Variants in CSNK2A2IP observed in about 807,000 individuals in gnomAD.
The protein encoded by CSNK2A2IP is casein kinase II subunit alpha'-interacting protein.
the CSNK2A2IP span, among the ~76,000 whole-genome samples, chr3:88,438,407 C>T: frequency 6.6e-6 from 1 of 152,142 alleles, no homozygotes; most frequent in African/African-American, 2.4e-5. Flanking sequence ...AACTAGGATT[C>T]CTCTTCCCTG....
chr3:88,408,230 A>G, the CSNK2A2IP span, among the ~76,000 whole-genome samples: 1 of 151,070 alleles, frequency 6.6e-6, no homozygotes, highest in South Asian at 2.1e-4. Context: ...TAAAGGTGAC[A>G]GAGTAAAGGA....
chr3:88,442,857 T>A, the CSNK2A2IP span, among the ~76,000 whole-genome samples: 1 of 151,922 alleles, frequency 6.6e-6, no homozygotes, highest in Non-Finnish European at 1.5e-5. Context: ...TTATGTCCCT[T>A]AATATAAAGA....
At chr3:88,363,745 C>T in the CSNK2A2IP span, among the ~76,000 whole-genome samples, 2 of 152,270 alleles carry the variant, frequency 1.3e-5, no homozygotes, top group South Asian at 2.1e-4. Flanking sequence ...ATGACTTGTT[C>T]ACTGGGTTTC....
chr3:88,384,474 A>G, the CSNK2A2IP span, among the ~76,000 whole-genome samples: 2 of 152,156 alleles, frequency 1.3e-5, no homozygotes, highest in African/African-American at 4.8e-5. Flanking sequence ...TGGAAAGAAC[A>G]TGGCAGGAGT....
the CSNK2A2IP span, among the ~76,000 whole-genome samples, chr3:88,371,084 G>A: frequency 6.6e-6 from 1 of 151,344 alleles, no homozygotes; most frequent in Non-Finnish European, 1.5e-5. Context: ...TATGGTATTT[G>A]GTTATGGCAG....
the CSNK2A2IP span, among the ~76,000 whole-genome samples, chr3:88,426,274 A>C: frequency 6.6e-6 from 1 of 152,192 alleles, no homozygotes; most frequent in Non-Finnish European, 1.5e-5. Flanking sequence ...CAAGAGTTAG[A>C]AGTGACATTC....
At chr3:88,354,363 G>A in the CSNK2A2IP span, among the ~76,000 whole-genome samples, 1 of 152,200 alleles carries the variant, frequency 6.6e-6, no homozygotes, top group Non-Finnish European at 1.5e-5. Flanking sequence ...CACTCAATAA[G>A]AGGTAGTTGC....
the CSNK2A2IP span, among the ~76,000 whole-genome samples, chr3:88,405,428 T>C: frequency 6.6e-6 from 1 of 152,108 alleles, no homozygotes; most frequent in East Asian, 1.9e-4. Context: ...GGTCATTGAG[T>C]TCATTCCCCT....
the CSNK2A2IP span, among the ~76,000 whole-genome samples, chr3:88,379,409 C>A: frequency 6.6e-6 from 1 of 152,102 alleles, no homozygotes; most frequent in Non-Finnish European, 1.5e-5. Flanking sequence ...GACATATTTT[C>A]TACAGGCATT....
the CSNK2A2IP span, among the ~76,000 whole-genome samples, chr3:88,378,168 G>A: frequency 6.6e-6 from 1 of 151,880 alleles, no homozygotes; most frequent in Non-Finnish European, 1.5e-5. Flanking sequence ...ACTTACATAT[G>A]TAACTTTCCC....
chr3:88,338,480 C>G, the CSNK2A2IP span: 52 of 152,214 alleles, frequency 3.4e-4, no homozygotes, highest in African/African-American at 1.2e-3. Context: ...CATTTTCCAG[C>G]AGTGAGGGTA....
At chr3:88,368,814 A>T in the CSNK2A2IP span, among the ~76,000 whole-genome samples, 1 of 152,164 alleles carries the variant, frequency 6.6e-6, no homozygotes, top group Non-Finnish European at 1.5e-5. Context: ...GGATGCCAGT[A>T]GCTAACAGAT....
At chr3:88,396,716 C>T in the CSNK2A2IP span, among the ~76,000 whole-genome samples, 1 of 152,146 alleles carries the variant, frequency 6.6e-6, no homozygotes, top group Admixed American at 6.5e-5. Context: ...AGCCAAATCT[C>T]TATTCTAAAT....
the CSNK2A2IP span, among the ~76,000 whole-genome samples, chr3:88,354,194 T>A: frequency 6.6e-6 from 1 of 152,200 alleles, no homozygotes; most frequent in Non-Finnish European, 1.5e-5. Flanking sequence ...GCGAACTAAA[T>A]AAACTTCTTT....
At chr3:88,458,926 T>G in the CSNK2A2IP span, among the ~76,000 whole-genome samples, 1 of 152,340 alleles carries the variant, frequency 6.6e-6, no homozygotes, top group African/African-American at 2.4e-5. Flanking sequence ...GCTGTGAATA[T>G]TCCATGTCCA....
chr3:88,427,967 T>C, the CSNK2A2IP span, among the ~76,000 whole-genome samples: 1 of 152,034 alleles, frequency 6.6e-6, no homozygotes, highest in Admixed American at 6.5e-5. Flanking sequence ...ACTGAGAGAT[T>C]GCACCATGCG....
the CSNK2A2IP span, among the ~76,000 whole-genome samples, chr3:88,384,361 C>T: frequency 1.1e-5 from 1 of 94,634 alleles, no homozygotes; most frequent in Admixed American, 1.2e-4. Context: ...TTTCTGAAAC[C>T]CAAAATTAAA....
the CSNK2A2IP span, among the ~76,000 whole-genome samples, chr3:88,373,200 G>C: frequency 6.6e-6 from 1 of 151,242 alleles, no homozygotes; most frequent in East Asian, 1.9e-4. Flanking sequence ...AAGAACATGG[G>C]ACATTTAGCA....
the CSNK2A2IP span, among the ~76,000 whole-genome samples, chr3:88,450,453 C>T: frequency 6.6e-6 from 1 of 152,044 alleles, no homozygotes; most frequent in South Asian, 2.1e-4. Flanking sequence ...CTTTCTGCCT[C>T]CTCCTGGTAA....
Sources: gnomAD v4.1 joint callset for allele counts (sites outside exome capture counted in the v4.1 genomes callset) on GRCh38, gnomAD v4.1.1 for gene constraint, MANE v1.5 for transcripts, NCBI Gene and HGNC (gene_info 2026-07-23, HGNC 2026-07-21) for gene names.